USP12: variants seen among roughly 807,000 people sequenced by gnomAD.
The protein encoded by USP12 is ubiquitin carboxyl-terminal hydrolase 12.
In USP12, 19 loss-of-function variants were observed where a neutral mutation model predicts 45.5. That is an observed-to-expected ratio of 0.42 (90% CI 0.29 to 0.61). The LOEUF (loss-of-function observed/expected upper bound fraction) is 0.61. USP12 is among the 20% of genes least tolerant of loss of function. The probability of loss-of-function intolerance (pLI) is 0.22; values close to 1 mark genes in which losing one functional copy is unlikely to be tolerated. For synonymous variants in USP12, 149 were observed against 148.8 expected, an observed-to-expected ratio of 1.00 and a Z score of -0.01; for missense variants, 242 against 447.7, an observed-to-expected ratio of 0.54 and a Z score of 4.15.
chr13:27,072,996 C>T (rs887284949), intron 7 of USP12, among the ~76,000 whole-genome samples: 1 of 152,136 alleles, frequency 6.6e-6, no homozygotes, highest in Non-Finnish European at 1.5e-5. Flanking sequence ...TTAAAAAGCA[C>T]CTGTTCTCAT....
chr13:27,133,531 G>C (rs993808613), intron 1 of USP12, among the ~76,000 whole-genome samples: 1 of 151,886 alleles, frequency 6.6e-6, no homozygotes, highest in African/African-American at 2.4e-5. Context: ...GTGGGGCTGA[G>C]GTAGGAGAAT....
intron 1 of USP12, among the ~76,000 whole-genome samples, chr13:27,137,065 T>C (rs752463777): frequency 8.5e-5 from 13 of 152,188 alleles, no homozygotes; most frequent in Non-Finnish European, 1.9e-4. Context: ...GTGACAAAGA[T>C]ATTGAACAAA....
chr13:27,122,478 C>G (rs1248546751), intron 1 of USP12, among the ~76,000 whole-genome samples: 1 of 151,018 alleles, frequency 6.6e-6, no homozygotes, highest in Admixed American at 6.6e-5. Flanking sequence ...CTAATACACC[C>G]CATCTTTACC....
chr13:27,088,370 T>C (rs1874161896), intron 6 of USP12, among the ~76,000 whole-genome samples: 1 of 134,874 alleles, frequency 7.4e-6, no homozygotes, highest in Admixed American at 8.7e-5. Flanking sequence ...TGAGCCGAGA[T>C]CGCACCACTG....
chr13:27,138,421 A>T (rs1486877998), intron 1 of USP12, among the ~76,000 whole-genome samples: 1 of 152,238 alleles, frequency 6.6e-6, no homozygotes, highest in Non-Finnish European at 1.5e-5. Flanking sequence ...TGTCTTGGGC[A>T]GCTGAGAGAT....
At chr13:27,113,831 A>C (rs1875583560) in intron 2 of USP12, among the ~76,000 whole-genome samples, 1 of 152,188 alleles carries the variant, frequency 6.6e-6, no homozygotes, top group Non-Finnish European at 1.5e-5. Context: ...ATGAGGAGAA[A>C]CTGAATGAGA....
intron 1 of USP12, among the ~76,000 whole-genome samples, chr13:27,156,108 T>G (rs1474177126): frequency 6.6e-6 from 1 of 152,088 alleles, no homozygotes; most frequent in Non-Finnish European, 1.5e-5. Flanking sequence ...AGAAGAGTCA[T>G]TCTGACAATG....
intron 1 of USP12, chr13:27,170,439 T>C: frequency 2.5e-6 from 1 of 397,828 alleles, no homozygotes; most frequent in Non-Finnish European, 4.4e-6. Flanking sequence ...AAACACAAGA[T>C]TTCAGAAGTC....
intron 4 of USP12, among the ~76,000 whole-genome samples, chr13:27,092,236 G>A (rs1198177521): frequency 1.3e-5 from 2 of 152,228 alleles, no homozygotes; most frequent in Non-Finnish European, 2.9e-5. Flanking sequence ...AATAAGGGGA[G>A]ACAGTGCATG....
chr13:27,110,705 G>A (rs1359111958), intron 2 of USP12, among the ~76,000 whole-genome samples: 1 of 152,032 alleles, frequency 6.6e-6, no homozygotes, highest in African/African-American at 2.4e-5. Flanking sequence ...CCTACCCAGG[G>A]GTTAAGTACA....
intron 7 of USP12, among the ~76,000 whole-genome samples, chr13:27,074,809 G>A (rs1873401917): frequency 6.6e-6 from 1 of 152,110 alleles, no homozygotes; most frequent in South Asian, 2.1e-4. Context: ...TATTTCCAAT[G>A]CCATTTTAAA....
At chr13:27,094,314 G>A (rs981613359) in intron 4 of USP12, among the ~76,000 whole-genome samples, 2 of 151,908 alleles carry the variant, frequency 1.3e-5, no homozygotes, top group Admixed American at 1.3e-4. Flanking sequence ...GACCAGCCTG[G>A]GTAACACAGC....
At chr13:27,135,560 A>G (rs1876764511) in intron 1 of USP12, among the ~76,000 whole-genome samples, 1 of 151,958 alleles carries the variant, frequency 6.6e-6, no homozygotes, top group African/African-American at 2.4e-5. Context: ...AAAAAATCCA[A>G]AAAACTTAGC....
At chr13:27,171,257 C>A (rs1878590406) in intron 1 of USP12, among the ~76,000 whole-genome samples, 1 of 150,304 alleles carries the variant, frequency 6.7e-6, no homozygotes, top group South Asian at 2.1e-4. Flanking sequence ...CCCTCGTCCC[C>A]GCGTCCCGAG....
intron 1 of USP12, among the ~76,000 whole-genome samples, chr13:27,143,764 C>T (rs1032466815): frequency 7.2e-5 from 11 of 152,170 alleles, no homozygotes; most frequent in African/African-American, 2.7e-4. Context: ...AATGTTTACT[C>T]GCAGTCTAAT....
At chr13:27,112,878 C>T (rs748435483) in intron 2 of USP12, among the ~76,000 whole-genome samples, 14 of 152,334 alleles carry the variant, frequency 9.2e-5, no homozygotes, top group Non-Finnish European at 1.5e-4. Flanking sequence ...AATGGATCAT[C>T]TTACACACTT....
At chr13:27,165,251 A>T (rs1292856112) in intron 1 of USP12, among the ~76,000 whole-genome samples, 1 of 152,218 alleles carries the variant, frequency 6.6e-6, no homozygotes, top group Non-Finnish European at 1.5e-5. Flanking sequence ...AACTATTCAA[A>T]ATAGAGAAAG....
At chr13:27,136,098 G>A (rs1177997561) in intron 1 of USP12, among the ~76,000 whole-genome samples, 1 of 152,162 alleles carries the variant, frequency 6.6e-6, no homozygotes, top group Non-Finnish European at 1.5e-5. Flanking sequence ...CGCTTTCCAT[G>A]TTCTGTTTAA....
chr13:27,117,797 A>G (rs753258137), intron 1 of USP12: 1 of 518,492 alleles, frequency 1.9e-6, no homozygotes, highest in Non-Finnish European at 3.8e-6. Context: ...TCACAGTTTC[A>G]AGAACGTGAT....
Sources: allele counts gnomAD v4.1 joint callset (sites outside exome capture counted in the v4.1 genomes callset), GRCh38; gene constraint gnomAD v4.1.1; transcripts MANE v1.5; gene names NCBI Gene and HGNC (gene_info 2026-07-23, HGNC 2026-07-21).